Variants in HM13 observed in about 807,000 individuals in gnomAD.
HM13 encodes the protein histocompatibility minor 13.
A neutral mutation model predicts 50.0 loss-of-function variants in HM13; 18 were observed. The observed-to-expected ratio is 0.36, with a 90% CI of 0.25 to 0.53. The LOEUF (loss-of-function observed/expected upper bound fraction) is 0.53. Among genes scored for constraint, HM13 ranks in the 20% least tolerant of loss-of-function variants. HM13 has a pLI of 0.90. For missense variants in HM13, 393 were observed against 552.4 expected, an observed-to-expected ratio of 0.71 and a Z score of 2.89; for synonymous variants, 197 against 232.6, an observed-to-expected ratio of 0.85 and a Z score of 1.39.
intron 8 of HM13, among the ~76,000 whole-genome samples, chr20:31,558,767 A>T (rs1221074045): frequency 6.6e-6 from 1 of 152,070 alleles, no homozygotes; most frequent in East Asian, 1.9e-4. Context: ...TCTGTCGTCC[A>T]GGCTGGAGTG....
chr20:31,520,058 T>C (rs1228853590), intron 1 of HM13, among the ~76,000 whole-genome samples: 1 of 151,976 alleles, frequency 6.6e-6, no homozygotes, highest in Non-Finnish European at 1.5e-5. Context: ...GGTTTTACCA[T>C]GTTGGCCAGG....
chr20:31,534,266 C>T (rs978460688), intron 2 of HM13, among the ~76,000 whole-genome samples: 2 of 152,088 alleles, frequency 1.3e-5, no homozygotes, highest in African/African-American at 4.8e-5. Context: ...TTACTATACT[C>T]ACATGTTCTA....
intron 1 of HM13, among the ~76,000 whole-genome samples, chr20:31,527,010 T>C (rs1376056292): frequency 6.6e-6 from 1 of 152,162 alleles, no homozygotes; most frequent in East Asian, 1.9e-4. Context: ...GGGTTCTCCT[T>C]GGTCTCTTGA....
intron 2 of HM13, among the ~76,000 whole-genome samples, chr20:31,536,705 C>G (rs1363869217): frequency 2.6e-5 from 4 of 152,106 alleles, no homozygotes; most frequent in Non-Finnish European, 5.9e-5. Context: ...CTCTGTAGTC[C>G]CTGCACACAT....
intron 2 of HM13, among the ~76,000 whole-genome samples, chr20:31,529,486 C>T (rs1205156204): frequency 6.6e-6 from 1 of 152,154 alleles, no homozygotes; most frequent in African/African-American, 2.4e-5. Context: ...CTCAAGCTGT[C>T]CACCCTCCTT....
In HM13 at chr20:31,514,566, C is replaced by A. The variant is rs1981644385; in HGVS notation, c.15C>A (p.Leu5=). The A allele has an allele frequency of 6.2e-7, 1 of 1,606,434 alleles. No individual in the cohort carries two copies. The change falls in exon 1 of 13, where the codon CTC becomes CTA. Residue 5 remains leucine (L), a synonymous_variant. Transcript: ENST00000398174. This position sits in a 1 kb window ranked among gnomAD's most constrained non-coding sequence, Gnocchi z 4.3. The part of the protein sequence containing the change: MDSA[L]SDPHNGSAEA... Reference sequence around the variant, plus strand: ...GCACCCTCGCCATGGACTCGGCCCTCAGCGATCCGCATAACGGCAGTGCCG... The same window carrying A: ...GCACCCTCGCCATGGACTCGGCCCTAAGCGATCCGCATAACGGCAGTGCCG...
At chr20:31,515,263 A>T (rs188184177) in intron 1 of HM13, among the ~76,000 whole-genome samples, 9 of 152,196 alleles carry the variant, frequency 5.9e-5, no homozygotes, top group African/African-American at 2.2e-4. Flanking sequence ...ATGGCACCTT[A>T]TGTGCTCACC....
intron 4 of HM13, among the ~76,000 whole-genome samples, chr20:31,546,261 T>C (rs1259466784): frequency 6.6e-6 from 1 of 151,470 alleles, no homozygotes; most frequent in Non-Finnish European, 1.5e-5. Context: ...CGTGTTAGGA[T>C]GGTCTCCATC....
At chr20:31,552,039 T>G (rs541376527) in intron 7 of HM13, among the ~76,000 whole-genome samples, 252 of 151,120 alleles carry the variant, frequency 1.7e-3, no homozygotes, top group Non-Finnish European at 3.0e-3. Flanking sequence ...GGCAGAGTAT[T>G]GGAATTGGCA....
chr20:31,550,973 G>A (rs938949216), intron 7 of HM13, among the ~76,000 whole-genome samples: 1 of 152,062 alleles, frequency 6.6e-6, no homozygotes, highest in Non-Finnish European at 1.5e-5. Flanking sequence ...ATGAGGCCCT[G>A]TCTTTAAAAT....
chr20:31,516,824 G>A (rs1202128675), intron 1 of HM13, among the ~76,000 whole-genome samples: 1 of 152,198 alleles, frequency 6.6e-6, no homozygotes, highest in Non-Finnish European at 1.5e-5. Flanking sequence ...CACCACCAAT[G>A]ACCCAGATGC....
At chr20:31,532,071 A>G (rs933388450) in intron 2 of HM13, among the ~76,000 whole-genome samples, 11 of 152,096 alleles carry the variant, frequency 7.2e-5, no homozygotes, top group African/African-American at 2.4e-4. Flanking sequence ...ATAAGAGTGC[A>G]CTAAATAACA....
rs117904600 is a variant in HM13 at position 31,556,742 on chromosome 20, C to T, written c.808+1913C>T. ...CCAAGAATGGTGCTAGGTGGCCGGC[C>T]GGGCACGGTGGCTTAAGCCTGTAAT... On this transcript the variant is annotated intron_variant, in intron 8 of 12. Coordinates refer to ENST00000398174, the MANE Select transcript of HM13 (RefSeq NM_178581.3). Among the ~76,000 whole-genome samples, 1,264 of 151,870 alleles carry T rather than the reference C, an allele frequency of 8.3e-3. 9 individuals are homozygous for T. The highest frequency in any genetic ancestry group is 0.017 in the Middle Eastern group (5 of 292).
In HM13 at chr20:31,527,471, TTC is replaced by T. The variant is rs1213803310; in HGVS notation, c.184-8_184-7del. On this transcript the variant is annotated splice_polypyrimidine_tract_variant and intron_variant, in intron 1 of 12. Coordinates refer to ENST00000398174, the MANE Select transcript of HM13 (RefSeq NM_178581.3). ...CAGCCGTGCTGAGCCATTGTCATTC[TTC>T]TCTCCTCTAGAATGCTTCAGACATG... 6.2e-7 allele frequency: 1 copy of T among 1,601,276 alleles called. No homozygotes were observed.
chr20:31,558,561 G>T (rs1286425532), intron 8 of HM13, among the ~76,000 whole-genome samples: 2 of 148,904 alleles, frequency 1.3e-5, no homozygotes, highest in Non-Finnish European at 3.0e-5. Context: ...TCCTCCTGGC[G>T]TGTGGCATTT....
intron 2 of HM13, chr20:31,535,487 A>T (rs560699039): frequency 6.6e-6 from 1 of 152,236 alleles, no homozygotes; most frequent in Non-Finnish European, 1.5e-5. Flanking sequence ...CTGGTGCCCA[A>T]TCCACATGGG....
rs538706519 is a variant in HM13, at chr20:31,539,282, A to C, written c.365+1021A>C. 20 of 985,510 alleles carry C rather than the reference A, an allele frequency of 2.0e-5. No individual in the cohort carries two copies. In the South Asian group the frequency reaches 9.4e-4, roughly 46 times the overall value. 61.0% of individuals were successfully genotyped at this position (985,510 alleles called of 1,614,324 possible). A position where few individuals can be genotyped will look rare whatever the true frequency, so the allele number is the denominator to read the frequency against. On this transcript the variant is annotated intron_variant, in intron 3 of 12. Coordinates refer to ENST00000398174, the MANE Select transcript of HM13 (RefSeq NM_178581.3). Reference sequence around the variant, plus strand: ...CAGCTTGTGACTACAGAGATGTCCCAGTATGTTTCTTTCTGCCCCGTTGAA... The same window carrying C: ...CAGCTTGTGACTACAGAGATGTCCCCGTATGTTTCTTTCTGCCCCGTTGAA...
At chr20:31,550,282 G>T in intron 7 of HM13, 161 bp downstream of exon 7, 1 of 642,108 alleles carries the variant, frequency 1.6e-6, no homozygotes, top group East Asian at 2.7e-5. Flanking sequence ...GATTCATCTG[G>T]CTGTGTTCAT....
intron 7 of HM13, among the ~76,000 whole-genome samples, chr20:31,552,092 A>G (rs1984064402): frequency 6.6e-6 from 1 of 151,602 alleles, no homozygotes; most frequent in South Asian, 2.1e-4. Context: ...ATTTCTCCAG[A>G]GCAAGGGAAC....
Sources: allele counts gnomAD v4.1 joint callset (sites outside exome capture counted in the v4.1 genomes callset), GRCh38; gene constraint gnomAD v4.1.1; non-coding constraint Gnocchi (gnomAD v3.1); transcripts MANE v1.5; gene names NCBI Gene and HGNC (gene_info 2026-07-23, HGNC 2026-07-21).